CDIN1: variants seen among roughly 807,000 people sequenced by gnomAD.
The protein encoded by CDIN1 is CDAN1 interacting nuclease 1, also known as CDAN1-interacting nuclease 1.
In CDIN1, 33 loss-of-function variants were observed where a neutral mutation model predicts 45.3. The ratio of observed to expected loss-of-function variants is 0.73; its 90% CI spans 0.55 to 0.97. The LOEUF is 0.97. Among genes scored for constraint, CDIN1 ranks in the 50% least tolerant of loss-of-function variants. The pLI is 0.00. For missense variants in CDIN1, 303 were observed against 339.4 expected, an observed-to-expected ratio of 0.89 and a Z score of 0.84; for synonymous variants, 118 against 124.4, an observed-to-expected ratio of 0.95 and a Z score of 0.34.
At chr15:36,751,540 A>T (rs984557136) in intron 10 of CDIN1, among the ~76,000 whole-genome samples, 12 of 147,580 alleles carry the variant, frequency 8.1e-5, no homozygotes, top group African/African-American at 2.0e-4. Flanking sequence ...CTAAAAATAT[A>T]AAAAAAAAAT....
At chr15:36,722,955 T>TTGTG (rs5811929) in intron 10 of CDIN1, among the ~76,000 whole-genome samples, 5,830 of 60,540 alleles carry the variant, frequency 0.096, 137 homozygotes, top group South Asian at 0.15. Flanking sequence ...TTACATTCAC[T>TTGTG]TGTGTGTGTG....
intron 9 of CDIN1, 117 bp from the exon 10 acceptor site, chr15:36,709,739 G>T: frequency 1.5e-6 from 1 of 680,220 alleles, no homozygotes; most frequent in East Asian, 2.6e-5. Context: ...ATTTATAGAT[G>T]ATGGTAAGGG....
intron 1 of CDIN1, among the ~76,000 whole-genome samples, chr15:36,643,347 T>A (rs1483091990): frequency 6.6e-6 from 1 of 152,144 alleles, no homozygotes; most frequent in Admixed American, 6.5e-5. Context: ...TGTGATGAGC[T>A]TAAGAGATTT....
At chr15:36,631,767 A>T (rs2033972367) in intron 1 of CDIN1, among the ~76,000 whole-genome samples, 1 of 152,138 alleles carries the variant, frequency 6.6e-6, no homozygotes, top group Admixed American at 6.6e-5. Context: ...TTGGGTATAA[A>T]CCTATGAGAA....
chr15:36,791,646 A>G (rs1277231477), intron 10 of CDIN1, among the ~76,000 whole-genome samples: 1 of 152,116 alleles, frequency 6.6e-6, no homozygotes, highest in East Asian at 1.9e-4. Context: ...GTTGTTATTT[A>G]GTATCTAGTA....
At position 36,684,023 on chromosome 15, in the gene CDIN1, G is replaced by A. The variant is rs535591151; in HGVS notation, c.347-7662G>A. 4.4e-3 allele frequency among the ~76,000 whole-genome samples: 664 copies of A among 149,532 alleles called. 5 individuals carry two copies. The highest frequency in any genetic ancestry group is 0.016 in the African/African-American group (632 of 40,554). On this transcript the variant is annotated intron_variant, in intron 5 of 10. Coordinates refer to ENST00000566621, the MANE Select transcript of CDIN1 (RefSeq NM_001321759.2). ...TATACAATCATGTCGTCTGCAAACAGGGACAATTTGACTTTCTCTTTTCCT... is the reference window on the plus strand; with the variant it reads ...TATACAATCATGTCGTCTGCAAACAAGGACAATTTGACTTTCTCTTTTCCT...
At chr15:36,644,466 C>A in intron 2 of CDIN1, 143 bp downstream of exon 2, 1 of 775,766 alleles carries the variant, frequency 1.3e-6, no homozygotes. Context: ...GCCTGCGTCT[C>A]GGTGGAGGCC....
chr15:36,778,104 A>G (rs2054264857), intron 10 of CDIN1, among the ~76,000 whole-genome samples: 1 of 152,192 alleles, frequency 6.6e-6, no homozygotes, highest in Non-Finnish European at 1.5e-5. Context: ...TCAGATACCA[A>G]GTTACCACGG....
chr15:36,598,854 T>C (rs548267113), intron 1 of CDIN1, among the ~76,000 whole-genome samples: 1 of 152,302 alleles, frequency 6.6e-6, no homozygotes, highest in Non-Finnish European at 1.5e-5. Context: ...GCTTTGGCCA[T>C]GGTAGTTACT....
At chr15:36,798,940 T>G (rs2054913865) in intron 10 of CDIN1, 1 of 152,212 alleles carries the variant, frequency 6.6e-6, no homozygotes. Context: ...AACACCAAAA[T>G]GGACTGCACC....
At chr15:36,650,178 C>T (rs2040513037) in intron 3 of CDIN1, among the ~76,000 whole-genome samples, 1 of 152,156 alleles carries the variant, frequency 6.6e-6, no homozygotes, top group African/African-American at 2.4e-5. Context: ...TGGGGACTTG[C>T]AGATCTGACC....
chr15:36,683,327 A>G (rs2041922010), intron 5 of CDIN1, among the ~76,000 whole-genome samples: 1 of 132,600 alleles, frequency 7.5e-6, no homozygotes, highest in African/African-American at 2.9e-5. Context: ...CCATTTATTA[A>G]ATAGGGAATC....
rs575531309 is a variant in CDIN1 at position 36,615,124 on chromosome 15, T to A, written c.102-29154T>A. On this transcript the variant is annotated intron_variant, in intron 1 of 10. Coordinates refer to ENST00000566621, the MANE Select transcript of CDIN1 (RefSeq NM_001321759.2). ...TTTGTATCAGTCAGTGCTGGAGAAA[T>A]CTTGAATAGCTTACGTACAAAACTT... Among the ~76,000 whole-genome samples, 288 of 152,358 alleles carry A rather than the reference T, an allele frequency of 1.9e-3. No individual in the cohort carries two copies. In the Middle Eastern group the frequency reaches 0.034, roughly 18 times the overall value.
At chr15:36,653,982 C>G (rs571485556) in intron 3 of CDIN1, 116 bp from the exon 4 acceptor site, 2 of 705,948 alleles carry the variant, frequency 2.8e-6, no homozygotes, top group Middle Eastern at 2.5e-4. Context: ...CTTACTTTAA[C>G]TAGAGTTGAG....
Position 36,618,249 on chromosome 15 carries a change from A to G in CDIN1, c.102-26029A>G, listed in dbSNP as rs78476837. ...GGTCATCCAGTGGTTCAGAACACTC[A>G]ACAGAGGACTCTGTATCATTGGGGG... On this transcript the variant is annotated intron_variant, in intron 1 of 10. Transcript: ENST00000566621. 3.0e-3 allele frequency: 2,009 copies of G among 669,264 alleles called. 5 individuals are homozygous for G. The highest frequency in any genetic ancestry group is 4.4e-3 in the Non-Finnish European group (1,610 of 367,176). 41.5% of individuals were successfully genotyped at this position (669,264 alleles called of 1,614,324 possible).
intron 1 of CDIN1, among the ~76,000 whole-genome samples, chr15:36,629,826 A>G (rs1459184251): frequency 1.3e-5 from 2 of 152,114 alleles, no homozygotes; most frequent in African/African-American, 4.8e-5. Flanking sequence ...TTTTCTTGTG[A>G]TAACCAAGTT....
At chr15:36,747,952 A>T (rs1236065384) in intron 10 of CDIN1, among the ~76,000 whole-genome samples, 1 of 152,196 alleles carries the variant, frequency 6.6e-6, no homozygotes, top group Non-Finnish European at 1.5e-5. Context: ...GATTTTAAAA[A>T]TTTAACCATG....
intron 4 of CDIN1, 92 bp downstream of exon 4, chr15:36,654,250 A>AG: frequency 1.0e-6 from 1 of 968,696 alleles, no homozygotes; most frequent in Non-Finnish European, 1.5e-6. Context: ...CTACCTTTGG[A>AG]AAAAAAAAGG....
chr15:36,751,801 GGAATACTA>G (rs2053479377), intron 10 of CDIN1, among the ~76,000 whole-genome samples: 3 of 152,146 alleles, frequency 2.0e-5, no homozygotes, highest in Non-Finnish European at 2.9e-5. Flanking sequence ...TATACACCAT[GGAATACTA>G]TGCAGCCATA....
Sources: allele counts gnomAD v4.1 joint callset (sites outside exome capture counted in the v4.1 genomes callset), GRCh38; gene constraint gnomAD v4.1.1; transcripts MANE v1.5; gene names NCBI Gene and HGNC (gene_info 2026-07-23, HGNC 2026-07-21).